The following GRK7 variants were observed in gnomAD, a reference collection of about 807,000 sequenced individuals.
The protein encoded by GRK7 is G protein-coupled receptor kinase 7, also known as rhodopsin kinase GRK7.
Under a neutral mutation model 34.1 loss-of-function variants are expected in GRK7, and 24 were observed. The observed-to-expected ratio is 0.70, with a 90% confidence interval of 0.51 to 0.99. The LOEUF (loss-of-function observed/expected upper bound fraction) is 0.99. Ranked by LOEUF, GRK7 falls within the 50% of genes least tolerant of loss-of-function variation. The pLI, the probability that GRK7 is intolerant of heterozygous loss-of-function variation, is 0.00. For synonymous variants in GRK7, 256 were observed against 279.4 expected (o/e 0.92, Z 0.84); for missense variants, 644 against 707.3 (o/e 0.91, Z 1.02).
intron 3 of GRK7, among the ~76,000 whole-genome samples, chr3:141,779,246 G>T (rs978063925): frequency 6.6e-6 from 1 of 151,968 alleles, no homozygotes; most frequent in Non-Finnish European, 1.5e-5. Flanking sequence ...CAAGAAAAAT[G>T]GATATTTAAG....
At chr3:141,788,978 C>T (rs2084710217) in intron 4 of GRK7, among the ~76,000 whole-genome samples, 1 of 152,120 alleles carries the variant, frequency 6.6e-6, no homozygotes, top group Non-Finnish European at 1.5e-5. Context: ...CCATGCCTGG[C>T]TAATTTTTGT....
upstream of GRK7, among the ~76,000 whole-genome samples, chr3:141,762,581 C>G (rs1272829635): frequency 6.6e-6 from 1 of 151,476 alleles, no homozygotes; most frequent in African/African-American, 2.4e-5. Context: ...TGTCTGTGCC[C>G]TGCCCCCAGA....
At chr3:141,782,144 G>A (rs1310010706) in intron 4 of GRK7, among the ~76,000 whole-genome samples, 1 of 152,180 alleles carries the variant, frequency 6.6e-6, no homozygotes, top group Non-Finnish European at 1.5e-5. Flanking sequence ...GAAATGACAT[G>A]ATTAGATTTC....
chr3:141,809,929 G>A (rs1170315578), intron 5 of GRK7, among the ~76,000 whole-genome samples: 1 of 152,050 alleles, frequency 6.6e-6, no homozygotes, highest in Non-Finnish European at 1.5e-5. Context: ...TGGGTGTGAT[G>A]GTTAATTTTA....
the GRK7 span, among the ~76,000 whole-genome samples, chr3:141,753,385 G>A: frequency 1.3e-5 from 2 of 152,050 alleles, no homozygotes; most frequent in African/African-American, 4.8e-5. Flanking sequence ...AATTTTTTTG[G>A]CACCAGGGAC....
At chr3:141,773,314 A>G (rs904271012) in intron 1 of GRK7, among the ~76,000 whole-genome samples, 13 of 151,892 alleles carry the variant, frequency 8.6e-5, no homozygotes, top group African/African-American at 3.1e-4. Context: ...TTCTAGCTGC[A>G]TGGGGCATCA....
Position 141,816,773 on chromosome 3 carries a change from T to C in GRK7, c.1385T>C (p.Leu462Pro), listed in dbSNP as rs1340169345. 6.3e-7 allele frequency: 1 copy of C among 1,582,408 alleles called. No homozygotes were observed. ...HFFKTINFPR[L>P]EAGLIEPPFV... ...TTTAAAACGATCAACTTTCCTCGCC[T>C]GGAAGCTGGCCTAATTGAACCCCCA... is the stretch of plus-strand genomic sequence containing the variant. Residue 462 changes from leucine to proline, a missense_variant, in exon 6 of 6, where the codon CTG (leucine) becomes CCG (proline). Transcript: ENST00000682958.
chr3:141,770,059 C>T (rs1479245999), intron 1 of GRK7, among the ~76,000 whole-genome samples: 2 of 152,226 alleles, frequency 1.3e-5, no homozygotes, highest in Admixed American at 6.5e-5. Context: ...GGATTACAAC[C>T]GCCCGCTACC....
At chr3:141,782,824 A>AG (rs2084678633) in intron 4 of GRK7, among the ~76,000 whole-genome samples, 1 of 152,022 alleles carries the variant, frequency 6.6e-6, no homozygotes, top group African/African-American at 2.4e-5. Context: ...AAAAAAAAAA[A>AG]AGAAGTAGGA....
intron 4 of GRK7, among the ~76,000 whole-genome samples, chr3:141,793,670 C>T (rs1406331951): frequency 3.9e-5 from 6 of 152,084 alleles, no homozygotes; most frequent in African/African-American, 9.7e-5. Context: ...GAGTAGCTGC[C>T]AGAAGGGGGC....
chr3:141,773,706 G>A (rs974410437), intron 1 of GRK7, among the ~76,000 whole-genome samples: 4 of 152,114 alleles, frequency 2.6e-5, no homozygotes, highest in Admixed American at 6.6e-5. Flanking sequence ...GAGCCACCGC[G>A]CCCGGCCTGA....
intron 4 of GRK7, among the ~76,000 whole-genome samples, chr3:141,804,631 A>G (rs1239619862): frequency 6.6e-6 from 1 of 151,098 alleles, no homozygotes; most frequent in African/African-American, 2.5e-5. Flanking sequence ...ATACATACAC[A>G]CACTCACACA....
chr3:141,793,839 A>G (rs1190950833), intron 4 of GRK7, among the ~76,000 whole-genome samples: 1 of 152,196 alleles, frequency 6.6e-6, no homozygotes, highest in Non-Finnish European at 1.5e-5. Context: ...AATATCGGGA[A>G]AAAGCCTCCT....
Position 141,817,112 on chromosome 3 carries a change from C to T in GRK7, c.*62C>T. 1.5e-6 allele frequency: 2 copies of T among 1,305,540 alleles called. No individual in the cohort carries two copies. The highest frequency in any genetic ancestry group is 2.8e-5 in the South Asian group (2 of 71,506). The allele number at this position is 1,305,540 out of a possible 1,614,324, so 80.9% of individuals were successfully genotyped here. On this transcript the variant is annotated 3_prime_UTR_variant, in exon 6 of 6. Transcript: ENST00000682958. Reference sequence around the variant, plus strand: ...GCTGACATAATCCTCGAATGTTCCACACGTGGAAATCTGTGGAATGAGGGC... The same window carrying T: ...GCTGACATAATCCTCGAATGTTCCATACGTGGAAATCTGTGGAATGAGGGC...
intron 2 of GRK7, among the ~76,000 whole-genome samples, chr3:141,777,048 G>A (rs1167678640): frequency 1.3e-5 from 2 of 152,102 alleles, no homozygotes; most frequent in Non-Finnish European, 2.9e-5. Flanking sequence ...TTGGTGGGGC[G>A]CATGGGCAAA....
At chr3:141,770,916 A>C (rs985421756) in intron 1 of GRK7, among the ~76,000 whole-genome samples, 2 of 151,512 alleles carry the variant, frequency 1.3e-5, no homozygotes, top group African/African-American at 4.9e-5. Flanking sequence ...CTTGAAACCA[A>C]AGGGGTCAAG....
intron 1 of GRK7, among the ~76,000 whole-genome samples, chr3:141,768,640 C>T (rs1331594296): frequency 6.6e-6 from 1 of 152,094 alleles, no homozygotes; most frequent in African/African-American, 2.4e-5. Flanking sequence ...TCTCTCGCAA[C>T]CCCTCCAGCT....
At position 141,819,218 on chromosome 3, in the gene GRK7, G is replaced by T. The variant is rs1711184594; in HGVS notation, c.*2168G>T. ...ACGTTAGACATTTAAAAACAACATT[G>T]GTTATTTGTTGATTATGCCTTAAAG... On this transcript the variant is annotated 3_prime_UTR_variant, in exon 6 of 6. Coordinates refer to ENST00000682958, the MANE Select transcript of GRK7 (RefSeq NM_139209.3). 6.6e-6 allele frequency among the ~76,000 whole-genome samples: 1 copy of T among 152,020 alleles called. No homozygotes were observed.
chr3:141,778,296 G>T lies in GRK7; in HGVS notation c.12G>T (p.Met4Ile). 1 of 1,571,448 alleles carries T rather than the reference G, an allele frequency of 6.4e-7. No homozygotes were observed. Among genetic ancestry groups the T allele is most frequent in the Non-Finnish European group, 8.6e-7 (1 of 1,156,306 alleles). Residue 4 changes from methionine to isoleucine, a missense_variant, in exon 3 of 6, where the codon ATG (methionine) becomes ATT (isoleucine). Transcript: ENST00000682958. The surrounding 1 kb of genome is among the most constrained non-coding windows in gnomAD (Gnocchi z 4.1). MVD[M>I]GALDNLIANT... The stretch of plus-strand genomic sequence containing the variant: ...CCCCGTGCTCAGCCATGGTGGACAT[G>T]GGGGCCCTGGACAACCTGATCGCCA...
Sources: allele counts gnomAD v4.1 joint callset (sites outside exome capture counted in the v4.1 genomes callset), GRCh38; gene constraint gnomAD v4.1.1; non-coding constraint Gnocchi (gnomAD v3.1); transcripts MANE v1.5; gene names NCBI Gene and HGNC (gene_info 2026-07-23, HGNC 2026-07-21).